Variants in HTR3B observed in about 807,000 individuals in gnomAD.
HTR3B encodes 5-hydroxytryptamine (serotonin) receptor 3B, ionotropic.
HTR3B carries 44 observed loss-of-function variants against 42.8 expected under a neutral mutation model. That is an observed-to-expected ratio of 1.03 (90% CI 0.81 to 1.32). The LOEUF is 1.32. Ranked by LOEUF, HTR3B falls within the 40% of genes most tolerant of loss-of-function variation. The pLI is 0.00. For missense variants in HTR3B, 527 were observed against 536.5 expected, an observed-to-expected ratio of 0.98 and a Z score of 0.17; for synonymous variants, 203 against 209.0, an observed-to-expected ratio of 0.97 and a Z score of 0.25.
intron 2 of HTR3B, among the ~76,000 whole-genome samples, chr11:113,915,207 G>T (rs201330369): frequency 1.3e-5 from 2 of 151,582 alleles, no homozygotes; most frequent in African/African-American, 4.8e-5. Context: ...TGTTTGTTTT[G>T]TTTTGTTTTG....
intron 6 of HTR3B, among the ~76,000 whole-genome samples, chr11:113,940,277 T>G (rs1256104113): frequency 6.6e-6 from 1 of 152,188 alleles, no homozygotes; most frequent in Admixed American, 6.5e-5. Flanking sequence ...TTGTATAGTA[T>G]CTGCCAAGTC....
chr11:113,931,071 G>A (rs533439402), intron 2 of HTR3B, among the ~76,000 whole-genome samples: 19 of 152,178 alleles, frequency 1.2e-4, no homozygotes, highest in South Asian at 4.2e-4. Flanking sequence ...CTAAGACAAC[G>A]TAACATTTTT....
In HTR3B at chr11:113,935,037, CAT is replaced by C. The variant is rs954268970; in HGVS notation, c.696+1945_696+1946del. Reference sequence around the variant, plus strand: ...GCGTGTGCTTGCATACACAGGCACACATGTGCACACACACACACACACACACT... The same window carrying C: ...GCGTGTGCTTGCATACACAGGCACACGTGCACACACACACACACACACACT... On this transcript the variant is annotated intron_variant, in intron 6 of 8. Transcript: ENST00000260191. Among the ~76,000 whole-genome samples, 8 of 151,484 alleles carry C rather than the reference CAT, an allele frequency of 5.3e-5. No homozygotes were observed. In the East Asian group the frequency reaches 7.7e-4, roughly 15 times the overall value.
At chr11:113,941,693 T>C (rs1385101575) in intron 6 of HTR3B, among the ~76,000 whole-genome samples, 11 of 151,936 alleles carry the variant, frequency 7.2e-5, no homozygotes, top group Non-Finnish European at 1.5e-4. Context: ...TGGCAGGAGA[T>C]GGGAGGAGGG....
At chr11:113,928,948 C>T (rs554745181) in intron 2 of HTR3B, among the ~76,000 whole-genome samples, 2 of 152,304 alleles carry the variant, frequency 1.3e-5, no homozygotes, top group East Asian at 1.9e-4. Context: ...TACCCCTTGG[C>T]TATTGTGAAT....
intron 2 of HTR3B, among the ~76,000 whole-genome samples, chr11:113,909,984 CAAAAAAAAAAAAAA>C (rs1178070726): frequency 1.0e-4 from 4 of 39,002 alleles, no homozygotes; most frequent in African/African-American, 4.1e-4. Context: ...ACCTTGTCTC[CAAAAAAAAAAAAAA>C]AAAAAAAAAA....
chr11:113,907,780 C>T (rs563377388), intron 1 of HTR3B, among the ~76,000 whole-genome samples: 2 of 152,290 alleles, frequency 1.3e-5, no homozygotes, highest in South Asian at 4.1e-4. Context: ...TTGAAACATA[C>T]TCATTTCGGT....
Position 113,944,691 on chromosome 11 carries a change from T to A in HTR3B, c.1026T>A (p.Leu342=). The change falls in exon 8 of 9, where the codon CTT becomes CTA. Residue 342 remains leucine (L), a synonymous_variant. Transcript: ENST00000260191. ...RGGQEQPFLC[L]RGDTDADRPR... ...GACAGGAGCAGCCCTTCTTGTGCCT[T>A]CGAGGGGACACCGATGCTGACAGGC... 1.2e-6 allele frequency: 2 copies of A among 1,614,096 alleles called. No homozygotes were observed. The highest frequency in any genetic ancestry group is 2.2e-5 in the South Asian group (2 of 91,076).
intron 5 of HTR3B, 97 bp from the exon 6 acceptor site, chr11:113,932,839 G>A (rs1015157502): frequency 1.8e-5 from 22 of 1,256,704 alleles, no homozygotes. Context: ...TATGGGGGCA[G>A]GAGAACGAGG....
At chr11:113,939,730 C>A (rs940459004) in intron 6 of HTR3B, among the ~76,000 whole-genome samples, 2 of 152,150 alleles carry the variant, frequency 1.3e-5, no homozygotes, top group African/African-American at 4.8e-5. Flanking sequence ...CTGCTCATCT[C>A]AGTTGTACCC....
intron 5 of HTR3B, 103 bp from the exon 6 acceptor site, chr11:113,932,833 G>C: frequency 8.6e-7 from 1 of 1,163,250 alleles, no homozygotes; most frequent in East Asian, 2.3e-5. Flanking sequence ...TGTGCCTATG[G>C]GGGCAGGAGA....
At chr11:113,908,089 T>TA (rs2137483282) in intron 1 of HTR3B, among the ~76,000 whole-genome samples, 1 of 152,294 alleles carries the variant, frequency 6.6e-6, no homozygotes, top group East Asian at 1.9e-4. Context: ...GTTAGGGAGT[T>TA]AAAATGCTCA....
chr11:113,924,714 C>T (rs73556607), intron 2 of HTR3B, among the ~76,000 whole-genome samples: 10 of 151,726 alleles, frequency 6.6e-5, no homozygotes, highest in African/African-American at 1.9e-4. Context: ...CCAGGACTCC[C>T]GTTGAGCCAG....
chr11:113,942,372 G>C (rs979141592), intron 6 of HTR3B, among the ~76,000 whole-genome samples: 3 of 152,228 alleles, frequency 2.0e-5, no homozygotes, highest in Non-Finnish European at 2.9e-5. Flanking sequence ...GGTGAGGCAG[G>C]AGAATTGCTT....
intron 6 of HTR3B, among the ~76,000 whole-genome samples, chr11:113,937,531 T>C (rs1950100998): frequency 6.6e-6 from 1 of 152,194 alleles, no homozygotes; most frequent in Non-Finnish European, 1.5e-5. Flanking sequence ...CCAAGCACCA[T>C]TTTAAAGTTT....
chr11:113,919,457 G>C (rs1236953961), intron 2 of HTR3B, among the ~76,000 whole-genome samples: 1 of 152,102 alleles, frequency 6.6e-6, no homozygotes, highest in African/African-American at 2.4e-5. Flanking sequence ...AGTACTACCA[G>C]TGAATCAGAG....
chr11:113,927,776 T>A (rs931125289), intron 2 of HTR3B, among the ~76,000 whole-genome samples: 6 of 152,156 alleles, frequency 3.9e-5, no homozygotes, highest in Non-Finnish European at 7.4e-5. Context: ...CAGGCTGGTC[T>A]TGAACTCCTG....
In HTR3B at chr11:113,931,391, A is replaced by C. The variant is rs1281763960; in HGVS notation, c.221A>C (p.Glu74Ala). Reference sequence around the variant, plus strand: ...TTTCTTTTTGCCTTGCAGGATGCAGAGAATCAAATATTAAAGACAAGTGTA... The same window carrying C: ...TTTCTTTTTGCCTTGCAGGATGCAGCGAATCAAATATTAAAGACAAGTGTA... ...FVHAILDVDAENQILKTSVWY... is the reference protein window; with the variant it reads ...FVHAILDVDAANQILKTSVWY... Residue 74 changes from glutamate (E) to alanine (A), a missense_variant, in exon 3 of 9, where the codon GAG (glutamate) becomes GCG (alanine). By Grantham distance (107) the Glu-to-Ala change is moderately radical. Coordinates refer to ENST00000260191, the MANE Select transcript of HTR3B (RefSeq NM_006028.5). 3 of 1,602,818 alleles carry C rather than the reference A, an allele frequency of 1.9e-6. No individual in the cohort carries two copies. Among genetic ancestry groups the C allele is most frequent in the Admixed American group, 3.4e-5 (2 of 57,986 alleles).
intron 6 of HTR3B, among the ~76,000 whole-genome samples, chr11:113,934,903 A>G (rs1375753871): frequency 2.0e-5 from 3 of 152,146 alleles, no homozygotes; most frequent in Non-Finnish European, 4.4e-5. Flanking sequence ...AGCACATGCA[A>G]GGTGGAACAT....
Sources: allele counts gnomAD v4.1 joint callset (sites outside exome capture counted in the v4.1 genomes callset), GRCh38; gene constraint gnomAD v4.1.1; transcripts MANE v1.5; gene names NCBI Gene and HGNC (gene_info 2026-07-23, HGNC 2026-07-21).